ITGBL1: variants seen among roughly 807,000 people sequenced by gnomAD.
ITGBL1 encodes the protein integrin beta-like protein 1.
In ITGBL1, 51 loss-of-function variants were observed where a neutral mutation model predicts 68.5. The observed-to-expected ratio is 0.74, with a 90% confidence interval of 0.59 to 0.94. The LOEUF (loss-of-function observed/expected upper bound fraction) is 0.94. Ranked by LOEUF, ITGBL1 falls within the 40% of genes least tolerant of loss-of-function variation. The pLI, the probability that ITGBL1 is intolerant of heterozygous loss-of-function variation, is 0.00. For synonymous variants in ITGBL1, 209 were observed against 227.3 expected (o/e 0.92, Z 0.72); for missense variants, 649 against 647.4 (o/e 1.00, Z -0.03).
At chr13:101,587,112 G>T (rs2050570683) in intron 6 of ITGBL1, among the ~76,000 whole-genome samples, 1 of 152,078 alleles carries the variant, frequency 6.6e-6, no homozygotes, top group South Asian at 2.1e-4. Flanking sequence ...TCTCTGGACG[G>T]ATTAGTTTAA....
At chr13:101,543,634 A>G (rs1187941638) in intron 2 of ITGBL1, among the ~76,000 whole-genome samples, 2 of 152,138 alleles carry the variant, frequency 1.3e-5, no homozygotes, top group Non-Finnish European at 1.5e-5. Flanking sequence ...GTTCTGCTGG[A>G]TAATATCCTG....
rs1341252268 is a variant in ITGBL1, at chr13:101,701,912, T to C, written c.1133-4844T>C. On this transcript the variant is annotated intron_variant, in intron 8 of 10. Transcript: ENST00000376180. ...AAGATGAAAATATTCTAGAGATGAA[T>C]GGTGGTGATGGTTGTACGACAATGA... Among the ~76,000 whole-genome samples the C allele has an allele frequency of 2.0e-5, 3 of 152,290 alleles. No individual in the cohort carries two copies. The East Asian group carries it at 5.8e-4, about 29-fold the overall frequency.
At chr13:101,488,595 T>C (rs1194557197) in intron 2 of ITGBL1, among the ~76,000 whole-genome samples, 2 of 152,122 alleles carry the variant, frequency 1.3e-5, no homozygotes, top group Non-Finnish European at 2.9e-5. Context: ...GAACAGAACA[T>C]GTTAATAGAA....
In ITGBL1 at chr13:101,635,012, A is replaced by C. The variant is rs555585319; in HGVS notation, c.1015+36713A>C. Among the ~76,000 whole-genome samples the C allele has an allele frequency of 3.1e-3, 457 of 147,456 alleles. 2 individuals carry two copies. The highest frequency in any genetic ancestry group is 0.011 in the African/African-American group (436 of 38,528). Reference sequence around the variant, plus strand: ...GGCAATTATGCTCAATTTCAATTCGAATTTCCTTTTTTTTTAGCTTTATGT... The same window carrying C: ...GGCAATTATGCTCAATTTCAATTCGCATTTCCTTTTTTTTTAGCTTTATGT... On this transcript the variant is annotated intron_variant, in intron 7 of 10. Coordinates refer to ENST00000376180, the MANE Select transcript of ITGBL1 (RefSeq NM_004791.3).
chr13:101,671,149 T>C (rs2033347932), intron 7 of ITGBL1, among the ~76,000 whole-genome samples: 1 of 152,156 alleles, frequency 6.6e-6, no homozygotes, highest in Non-Finnish European at 1.5e-5. Context: ...GTAATTACTC[T>C]TGCTTACAGG....
intron 7 of ITGBL1, among the ~76,000 whole-genome samples, chr13:101,644,070 G>A (rs893404357): frequency 2.6e-5 from 4 of 152,068 alleles, no homozygotes; most frequent in Non-Finnish European, 2.9e-5. Flanking sequence ...GTGTCACCTC[G>A]GGGCATAGTA....
rs115124955 is a variant in ITGBL1, at chr13:101,591,201, T to C, written c.869-6952T>C. Among the ~76,000 whole-genome samples the C allele has an allele frequency of 9.0e-3, 1,374 of 152,276 alleles. 22 individuals carry two copies. The highest frequency in any genetic ancestry group is 0.031 in the African/African-American group (1,298 of 41,554). The stretch of plus-strand genomic sequence containing the variant: ...TATGGGCGTGAGTCACCACGTCCGA[T>C]GGGAACTTCTTAAACTGAGATGAAT... On this transcript the variant is annotated intron_variant, in intron 6 of 10. Coordinates refer to ENST00000376180, the MANE Select transcript of ITGBL1 (RefSeq NM_004791.3).
At chr13:101,714,228 CT>C (rs1301443751) in intron 9 of ITGBL1, 34 of 531,956 alleles carry the variant, frequency 6.4e-5, no homozygotes, top group Admixed American at 9.9e-5. Flanking sequence ...CTAATTGCAA[CT>C]GTCTAGATCC....
At chr13:101,606,174 T>TATATATATATA (rs1555361917) in intron 7 of ITGBL1, among the ~76,000 whole-genome samples, 1 of 138,044 alleles carries the variant, frequency 7.2e-6, no homozygotes, top group African/African-American at 2.7e-5. Flanking sequence ...ATTAGGATTT[T>TATATATATATA]TATATATATA....
chr13:101,681,851 G>A (rs966546610), intron 7 of ITGBL1, among the ~76,000 whole-genome samples: 1 of 151,984 alleles, frequency 6.6e-6, no homozygotes, highest in Middle Eastern at 3.2e-3. Flanking sequence ...TGTGTTGGGA[G>A]AGAATAGTCA....
intron 2 of ITGBL1, among the ~76,000 whole-genome samples, chr13:101,536,009 C>T (rs1385596606): frequency 6.6e-6 from 1 of 151,352 alleles, no homozygotes; most frequent in African/African-American, 2.4e-5. Flanking sequence ...ATTCTCTTTA[C>T]CTTAAATATG....
chr13:101,567,135 T>C (rs999105118), intron 2 of ITGBL1, among the ~76,000 whole-genome samples: 1 of 152,162 alleles, frequency 6.6e-6, no homozygotes, highest in African/African-American at 2.4e-5. Flanking sequence ...ACATTAAAGA[T>C]TGAGAAATTT....
At chr13:101,630,558 A>G (rs1173585278) in intron 7 of ITGBL1, among the ~76,000 whole-genome samples, 2 of 152,324 alleles carry the variant, frequency 1.3e-5, no homozygotes, top group African/African-American at 2.4e-5. Flanking sequence ...TCAACGTCAC[A>G]TCTGGTACTG....
intron 2 of ITGBL1, among the ~76,000 whole-genome samples, chr13:101,509,997 C>CT (rs1316050533): frequency 6.6e-6 from 1 of 151,844 alleles, no homozygotes; most frequent in African/African-American, 2.4e-5. Flanking sequence ...TCCAATTTCT[C>CT]TTTTTTTTCT....
At chr13:101,581,229 C>T (rs749476846) in intron 5 of ITGBL1, among the ~76,000 whole-genome samples, 22 of 152,040 alleles carry the variant, frequency 1.4e-4, no homozygotes, top group Non-Finnish European at 1.5e-5. Flanking sequence ...CATAGTGGAC[C>T]CCTTTACACG....
At position 101,558,083 on chromosome 13, in the gene ITGBL1, C is replaced by CAAAAAA. The variant is rs568103738; in HGVS notation, c.317-9588_317-9583dup. Among the ~76,000 whole-genome samples the CAAAAAA allele has an allele frequency of 8.8e-4, 63 of 71,678 alleles. 2 individuals are homozygous for CAAAAAA. The highest frequency in any genetic ancestry group is 3.5e-3 in the African/African-American group (51 of 14,672). The allele number at this position is 71,678 out of a possible 152,430, so 47.0% of individuals were successfully genotyped here. A position where few individuals can be genotyped will look rare whatever the true frequency, so the allele number is the denominator to read the frequency against. On this transcript the variant is annotated intron_variant, in intron 2 of 10. Coordinates refer to ENST00000376180, the MANE Select transcript of ITGBL1 (RefSeq NM_004791.3). ...TGGGAGACAGAGCAAAACTCCGTCT[C>CAAAAAA]AAAAAAAAAAAAAAAAAAAAAAAAA...
At chr13:101,696,665 T>C (rs948226493) in intron 8 of ITGBL1, among the ~76,000 whole-genome samples, 2 of 152,120 alleles carry the variant, frequency 1.3e-5, no homozygotes, top group Admixed American at 1.3e-4. Flanking sequence ...ACCTGCATCG[T>C]AGTGTGATGA....
chr13:101,612,938 G>A (rs9518463), intron 7 of ITGBL1, among the ~76,000 whole-genome samples: 11,839 of 152,146 alleles, frequency 0.078, 718 homozygotes, highest in African/African-American at 0.16. Flanking sequence ...AAAACAGCCA[G>A]GCTCCAACTG....
chr13:101,567,689 C>G lies in ITGBL1; in HGVS notation c.317-10C>G. On this transcript the variant is annotated splice_polypyrimidine_tract_variant and intron_variant, in intron 2 of 10. Coordinates refer to ENST00000376180, the MANE Select transcript of ITGBL1 (RefSeq NM_004791.3). ...AATTTGAGTCTGACTAGATGTTGTT[C>G]AATCCCCAGGCCATGGTAAGTGTGA... The G allele has an allele frequency of 6.2e-7, 1 of 1,611,222 alleles. No homozygotes were observed.
Sources: allele counts gnomAD v4.1 joint callset (sites outside exome capture counted in the v4.1 genomes callset), GRCh38; gene constraint gnomAD v4.1.1; transcripts MANE v1.5; gene names NCBI Gene and HGNC (gene_info 2026-07-23, HGNC 2026-07-21).